DGKG: variants seen among roughly 807,000 people sequenced by gnomAD.
DGKG encodes the protein diacylglycerol kinase gamma.
In DGKG, 78 loss-of-function variants were observed where a neutral mutation model predicts 105.3. That is an observed-to-expected ratio of 0.74 (90% CI 0.62 to 0.89). The LOEUF (loss-of-function observed/expected upper bound fraction) is 0.89. Among genes scored for constraint, DGKG ranks in the 40% least tolerant of loss-of-function variants. The pLI is 0.00. For synonymous variants in DGKG, 346 were observed against 367.1 expected (o/e 0.94, Z 0.66); for missense variants, 958 against 1,020.1 (o/e 0.94, Z 0.83).
intron 22 of DGKG, among the ~76,000 whole-genome samples, chr3:186,171,901 G>C (rs775390961): frequency 2.0e-5 from 3 of 151,812 alleles, no homozygotes; most frequent in Non-Finnish European, 4.4e-5. Context: ...TGTCTCCCAG[G>C]CTGGAGTGCA....
chr3:186,189,129 G>T (rs530156931), intron 21 of DGKG, among the ~76,000 whole-genome samples: 48 of 152,118 alleles, frequency 3.2e-4, no homozygotes, highest in Non-Finnish European at 5.4e-4. Flanking sequence ...TTTTCATTTT[G>T]CCCCCTCCTA....
At chr3:186,318,654 G>A (rs938124293) in intron 2 of DGKG, among the ~76,000 whole-genome samples, 2 of 152,162 alleles carry the variant, frequency 1.3e-5, no homozygotes, top group African/African-American at 4.8e-5. Context: ...TGCACACAGG[G>A]AGAATGTCAC....
At chr3:186,242,748 GA>G in intron 19 of DGKG, 180 bp from the exon 20 acceptor site, 1 of 530,486 alleles carries the variant, frequency 1.9e-6, no homozygotes, top group Non-Finnish European at 3.4e-6. Flanking sequence ...CCTCCAGGGG[GA>G]TGAGCTAGCA....
At chr3:186,215,366 G>T (rs965800270) in intron 20 of DGKG, among the ~76,000 whole-genome samples, 30 of 145,366 alleles carry the variant, frequency 2.1e-4, no homozygotes, top group Admixed American at 5.7e-4. Flanking sequence ...AGCTGAGAAT[G>T]CACCACTGCA....
intron 20 of DGKG, among the ~76,000 whole-genome samples, chr3:186,212,193 G>C (rs954253196): frequency 2.6e-5 from 4 of 152,198 alleles, no homozygotes; most frequent in African/African-American, 9.7e-5. Context: ...AGAGCTCTAC[G>C]AGAAGTCAAG....
At chr3:186,257,686 T>C (rs1418270118) in intron 17 of DGKG, 168 bp downstream of exon 17, 4 of 549,136 alleles carry the variant, frequency 7.3e-6, no homozygotes, top group South Asian at 6.6e-5. Flanking sequence ...TATTTCTTTT[T>C]TTTTTTTTTT....
At position 186,279,956 on chromosome 3, in the gene DGKG, C is replaced by T; in HGVS notation, c.687G>A (p.Leu229=). 6.2e-7 allele frequency: 1 copy of T among 1,614,128 alleles called. No individual in the cohort carries two copies. Among genetic ancestry groups the T allele is most frequent in the Non-Finnish European group, 8.5e-7 (1 of 1,179,986 alleles). ...CGTCCCGGTCGTAGTCCATCCCTTG[C>T]AGCATCTCCTTCAATATCTGTGGAA... ...TELRPILKEM[L]QGMDYDRDGF... Residue 229 remains leucine, a synonymous_variant, in exon 9 of 25, where the codon CTG becomes CTA. Coordinates refer to ENST00000265022, the MANE Select transcript of DGKG (RefSeq NM_001346.3).
chr3:186,198,180 G>A (rs1718277235), intron 21 of DGKG, among the ~76,000 whole-genome samples: 1 of 152,154 alleles, frequency 6.6e-6, no homozygotes, highest in South Asian at 2.1e-4. Flanking sequence ...ACGTGATAAG[G>A]TTTCTTTGCT....
In DGKG at chr3:186,275,528, T is replaced by G; in HGVS notation, c.910+19A>C. On this transcript the variant is annotated intron_variant, in intron 10 of 24. Coordinates refer to ENST00000265022, the MANE Select transcript of DGKG (RefSeq NM_001346.3). ...CAAGATAGTGCCTGGGGGAAGAGGT[T>G]TGAAGGAAATTTACTCACAAGTGCA... is the stretch of plus-strand genomic sequence containing the variant. 6.2e-7 allele frequency: 1 copy of G among 1,604,360 alleles called. No homozygotes were observed. The highest frequency in any genetic ancestry group is 1.7e-4 in the Middle Eastern group (1 of 6,050).
chr3:186,207,350 G>A (rs999827911), intron 21 of DGKG: 15 of 665,846 alleles, frequency 2.3e-5, no homozygotes, highest in Non-Finnish European at 2.6e-5. Flanking sequence ...CGAAACTCTC[G>A]GGTGTCTGGC....
At chr3:186,302,077 C>A (rs1027915640) in intron 3 of DGKG, among the ~76,000 whole-genome samples, 2 of 152,144 alleles carry the variant, frequency 1.3e-5, no homozygotes, top group Non-Finnish European at 2.9e-5. Context: ...TTCCAGAAAG[C>A]CTTATGATCG....
chr3:186,197,806 G>A (rs936556918), intron 21 of DGKG, among the ~76,000 whole-genome samples: 2 of 152,166 alleles, frequency 1.3e-5, no homozygotes, highest in African/African-American at 4.8e-5. Context: ...TGTACACGCT[G>A]CCTAAACTGC....
intron 1 of DGKG, among the ~76,000 whole-genome samples, chr3:186,349,664 AC>A (rs985183423): frequency 6.6e-6 from 1 of 152,194 alleles, no homozygotes; most frequent in Non-Finnish European, 1.5e-5. Context: ...TGGCCCCAGC[AC>A]AAGGCACATC....
intron 21 of DGKG, among the ~76,000 whole-genome samples, chr3:186,193,833 C>T (rs909592320): frequency 1.6e-4 from 24 of 152,352 alleles, no homozygotes; most frequent in African/African-American, 5.8e-4. Flanking sequence ...AGGAGTGTGG[C>T]GGTCCCCGCG....
intron 3 of DGKG, among the ~76,000 whole-genome samples, chr3:186,299,754 T>C (rs1488834341): frequency 1.3e-5 from 2 of 151,110 alleles, no homozygotes; most frequent in African/African-American, 4.9e-5. Flanking sequence ...CTCTTTTCTT[T>C]TTTTCTTCTT....
At chr3:186,196,489 C>T (rs1431497463) in intron 21 of DGKG, among the ~76,000 whole-genome samples, 3 of 152,138 alleles carry the variant, frequency 2.0e-5, no homozygotes, top group Admixed American at 6.5e-5. Flanking sequence ...ACCTGAAGGG[C>T]TTGAAAGGTG....
At chr3:186,305,100 C>G (rs1373129990) in intron 3 of DGKG, among the ~76,000 whole-genome samples, 1 of 152,154 alleles carries the variant, frequency 6.6e-6, no homozygotes, top group African/African-American at 2.4e-5. Context: ...ACTGAAGACA[C>G]AGCAGTGAAC....
chr3:186,310,604 G>C (rs1335475737), intron 2 of DGKG, among the ~76,000 whole-genome samples: 1 of 152,118 alleles, frequency 6.6e-6, no homozygotes, highest in Non-Finnish European at 1.5e-5. Context: ...TTCATCTTAA[G>C]ACAGAAAAGA....
chr3:186,215,429 A>G (rs1457191086), intron 20 of DGKG, among the ~76,000 whole-genome samples: 1 of 151,738 alleles, frequency 6.6e-6, no homozygotes, highest in Non-Finnish European at 1.5e-5. Flanking sequence ...AAAAAAAAAA[A>G]AAAATTCTAT....
Sources: allele counts gnomAD v4.1 joint callset (sites outside exome capture counted in the v4.1 genomes callset), GRCh38; gene constraint gnomAD v4.1.1; transcripts MANE v1.5; gene names NCBI Gene and HGNC (gene_info 2026-07-23, HGNC 2026-07-21).